TEC: variants seen among roughly 807,000 people sequenced by gnomAD.
TEC encodes the protein tec protein tyrosine kinase, also known as tyrosine-protein kinase Tec.
In TEC, 72 loss-of-function variants were observed where a neutral mutation model predicts 93.0. That is an observed-to-expected ratio of 0.77 (90% CI 0.64 to 0.94). The LOEUF is 0.94. Among genes scored for constraint, TEC ranks in the 40% least tolerant of loss-of-function variants. TEC has a pLI of 0.00. For synonymous variants in TEC, 249 were observed against 247.7 expected, an observed-to-expected ratio of 1.01 and a Z score of -0.05; for missense variants, 630 against 757.9, an observed-to-expected ratio of 0.83 and a Z score of 1.98.
chr4:48,236,342 C>T (rs2664025), intron 1 of TEC, among the ~76,000 whole-genome samples: 27,915 of 151,276 alleles, frequency 0.18, 4,340 homozygotes, highest in African/African-American at 0.42. Flanking sequence ...AGTGCAGTGG[C>T]GCAATCTCGG....
intron 3 of TEC, 105 bp from the exon 4 acceptor site, chr4:48,171,554 T>C: frequency 4.0e-6 from 3 of 758,764 alleles, no homozygotes; most frequent in Non-Finnish European, 6.1e-6. Flanking sequence ...GATTCTCAAA[T>C]AACTGAAAGT....
At chr4:48,154,213 C>G (rs1016079472) in intron 9 of TEC, among the ~76,000 whole-genome samples, 1 of 152,158 alleles carries the variant, frequency 6.6e-6, no homozygotes, top group Non-Finnish European at 1.5e-5. Flanking sequence ...TCTAAGAAAA[C>G]TTTTGGTAAA....
chr4:48,266,396 T>C (rs1057237351), intron 1 of TEC, among the ~76,000 whole-genome samples: 1 of 152,176 alleles, frequency 6.6e-6, no homozygotes, highest in African/African-American at 2.4e-5. Context: ...AGCAAGCCAG[T>C]AGGCTCAGGA....
chr4:48,156,170 G>C lies in TEC; in HGVS notation c.792+510C>G, dbSNP rs150316529. On this transcript the variant is annotated intron_variant, in intron 9 of 17. Transcript: ENST00000381501. The stretch of plus-strand genomic sequence containing the variant: ...ATGAAATTGTAAGGGCCAGTTTCAA[G>C]GTGTAGCGTGTAGGAAAACAGCCTG... Among the ~76,000 whole-genome samples the C allele has an allele frequency of 2.0e-3, 307 of 152,312 alleles. 2 individuals carry two copies. The highest frequency in any genetic ancestry group is 0.01 in the Middle Eastern group (3 of 294).
Position 48,145,151 on chromosome 4 carries a change from C to T in TEC, c.1398G>A (p.Leu466=), listed in dbSNP as rs760243891. 1 of 1,614,106 alleles carries T rather than the reference C, an allele frequency of 6.2e-7. No homozygotes were observed. The highest frequency in any genetic ancestry group is 1.7e-5 in the Admixed American group (1 of 60,016). Residue 466 remains leucine, a synonymous_variant, in exon 14 of 18, where the codon CTG becomes CTA. Transcript: ENST00000381501. The part of the protein sequence containing the change: ...QRQGHFSRDV[L]LSMCQDVCEG... Reference sequence around the variant, plus strand: ...CACACACATCCTGACACATGCTCAGCAGTACGTCTCTACTGAAATGACCTT... The same window carrying T: ...CACACACATCCTGACACATGCTCAGTAGTACGTCTCTACTGAAATGACCTT...
intron 1 of TEC, among the ~76,000 whole-genome samples, chr4:48,239,072 CATTT>C (rs1395197914): frequency 6.6e-6 from 1 of 151,946 alleles, no homozygotes; most frequent in African/African-American, 2.4e-5. Flanking sequence ...AGTCGGTTAA[CATTT>C]ATTCTATGGA....
At chr4:48,205,310 G>A (rs1210162974) in intron 2 of TEC, among the ~76,000 whole-genome samples, 1 of 152,164 alleles carries the variant, frequency 6.6e-6, no homozygotes, top group East Asian at 1.9e-4. Context: ...TGGTGTGCTG[G>A]AGTCAGCTCA....
chr4:48,176,103 A>G lies in TEC; in HGVS notation c.222T>C (p.Cys74=), dbSNP rs770200665. Residue 74 remains cysteine (C), a synonymous_variant, in exon 3 of 18, where the codon TGT becomes TGC. Coordinates refer to ENST00000381501, the MANE Select transcript of TEC (RefSeq NM_003215.3). ...TCACCTGAAATGGATACTTATTTTG[A>G]CAGGGAATGACACCATCATCATTCT... The part of the protein sequence containing the change: ...IVKNDDGVIP[C]QNKYPFQVVH... The G allele has an allele frequency of 6.2e-7, 1 of 1,613,808 alleles. No individual in the cohort carries two copies. The highest frequency in any genetic ancestry group is 8.5e-7 in the Non-Finnish European group (1 of 1,179,756).
intron 1 of TEC, among the ~76,000 whole-genome samples, chr4:48,263,195 A>G (rs1449137824): frequency 6.6e-6 from 1 of 152,238 alleles, no homozygotes; most frequent in Non-Finnish European, 1.5e-5. Context: ...ACAAGTGGAA[A>G]GGGAAGTAAG....
intron 2 of TEC, among the ~76,000 whole-genome samples, chr4:48,217,575 GA>G (rs1371500406): frequency 6.6e-6 from 1 of 152,152 alleles, no homozygotes; most frequent in Non-Finnish European, 1.5e-5. Flanking sequence ...ACTCTTACAT[GA>G]AATCATTGAG....
intron 5 of TEC, among the ~76,000 whole-genome samples, chr4:48,169,900 G>A (rs554384546): frequency 4.9e-4 from 75 of 152,282 alleles, no homozygotes; most frequent in African/African-American, 1.8e-3. Context: ...TCAGACTGTG[G>A]ATGCACTGCT....
chr4:48,146,368 A>G lies in TEC; in HGVS notation c.1038T>C (p.Ser346=). 2 of 1,613,872 alleles carry G rather than the reference A, an allele frequency of 1.2e-6. No homozygotes were observed. Among genetic ancestry groups the G allele is most frequent in the Non-Finnish European group, 1.7e-6 (2 of 1,179,790 alleles). Reference sequence around the variant, plus strand: ...TGGTGGGTGCATTCTTCCCTTTCACACTAACTGGGTACCGAAGCCTGGTGA... The same window carrying G: ...TGGTGGGTGCATTCTTCCCTTTCACGCTAACTGGGTACCGAAGCCTGGTGA... The part of the protein sequence containing the change: ...GLVTRLRYPV[S]VKGKNAPTTA... The change falls in exon 12 of 18, where the codon AGT becomes AGC. Residue 346 remains serine, a synonymous_variant. Transcript: ENST00000381501.
chr4:48,183,326 T>C (rs1168168420), intron 2 of TEC, among the ~76,000 whole-genome samples: 4 of 152,250 alleles, frequency 2.6e-5, no homozygotes, highest in African/African-American at 7.2e-5. Context: ...AACTCTGTGA[T>C]GGTTAATTTC....
chr4:48,229,997 C>T (rs1723598596), intron 1 of TEC, among the ~76,000 whole-genome samples: 1 of 151,784 alleles, frequency 6.6e-6, no homozygotes, highest in Non-Finnish European at 1.5e-5. Flanking sequence ...ATCGCTTGAA[C>T]CTGGGAGGTG....
chr4:48,204,892 G>A (rs544955488), intron 2 of TEC, among the ~76,000 whole-genome samples: 20 of 152,218 alleles, frequency 1.3e-4, no homozygotes, highest in East Asian at 3.9e-4. Context: ...GTACCAGTCC[G>A]TGGTGCAGGG....
At chr4:48,182,215 G>A (rs1721618386) in intron 2 of TEC, among the ~76,000 whole-genome samples, 2 of 151,362 alleles carry the variant, frequency 1.3e-5, no homozygotes, top group Admixed American at 1.3e-4. Flanking sequence ...AACTCAGGAG[G>A]TGGAGGTTGC....
intron 9 of TEC, among the ~76,000 whole-genome samples, chr4:48,155,159 A>G (rs1017959434): frequency 6.6e-6 from 1 of 152,224 alleles, no homozygotes; most frequent in Admixed American, 6.5e-5. Context: ...GAATGTTTGA[A>G]CAGGCTTTAT....
chr4:48,262,201 CT>C (rs10659576), intron 1 of TEC, among the ~76,000 whole-genome samples: 5 of 80,218 alleles, frequency 6.2e-5, no homozygotes, highest in African/African-American at 1.6e-4. Context: ...CCAAATGTCT[CT>C]TTTTTTTTTT....
chr4:48,144,023 G>A (rs945105990), intron 14 of TEC, among the ~76,000 whole-genome samples: 4 of 152,060 alleles, frequency 2.6e-5, no homozygotes, highest in Admixed American at 6.6e-5. Flanking sequence ...TCAAGAGTTC[G>A]AGACCAGTCT....
Sources: gnomAD v4.1 joint callset for allele counts (sites outside exome capture counted in the v4.1 genomes callset) on GRCh38, gnomAD v4.1.1 for gene constraint, MANE v1.5 for transcripts, NCBI Gene and HGNC (gene_info 2026-07-23, HGNC 2026-07-21) for gene names.